Variants in RIMS1 observed in about 807,000 individuals in gnomAD.
RIMS1 encodes regulating synaptic membrane exocytosis 1, also known as regulating synaptic membrane exocytosis protein 1.
RIMS1 carries 83 observed loss-of-function variants against 214.1 expected under a neutral mutation model. The ratio of observed to expected loss-of-function variants is 0.39; its 90% CI spans 0.32 to 0.47. The LOEUF is 0.47. Among genes scored for constraint, RIMS1 ranks in the 20% least tolerant of loss-of-function variants. RIMS1 has a pLI of 0.99. For synonymous variants in RIMS1, 793 were observed against 786.8 expected, an observed-to-expected ratio of 1.01 and a Z score of -0.13; for missense variants, 2,050 against 2,161.8, an observed-to-expected ratio of 0.95 and a Z score of 1.03.
rs563993102 is a variant in RIMS1, at chr6:72,390,921, T to C, written c.4505+185T>C. 5 of 506,278 alleles carry C rather than the reference T, an allele frequency of 9.9e-6. No homozygotes were observed. The Middle Eastern group carries it at 2.1e-3, about 209-fold the overall frequency. 31.4% of individuals were successfully genotyped at this position (506,278 alleles called of 1,614,324 possible). A position where few individuals can be genotyped will look rare whatever the true frequency, so the allele number is the denominator to read the frequency against. On this transcript the variant is annotated intron_variant, in intron 30 of 33. Coordinates refer to ENST00000521978, the MANE Select transcript of RIMS1 (RefSeq NM_014989.7). ...ATGGACACACCTCTACACCTGGTCATTCATACCTTTCAAAGGGTGAAGAAA... is the reference window on the plus strand; with the variant it reads ...ATGGACACACCTCTACACCTGGTCACTCATACCTTTCAAAGGGTGAAGAAA...
intron 2 of RIMS1, among the ~76,000 whole-genome samples, chr6:72,083,506 C>T (rs1166200112): frequency 3.9e-5 from 6 of 152,022 alleles, no homozygotes; most frequent in Admixed American, 1.3e-4. Context: ...CTATTTGCCC[C>T]TCGCTAGTGG....
chr6:72,186,079 TG>T (rs1209568247), intron 6 of RIMS1, among the ~76,000 whole-genome samples: 1 of 152,282 alleles, frequency 6.6e-6, no homozygotes. Context: ...GTTAATTGAC[TG>T]TTTATGCTAT....
rs1639109211 is a variant in RIMS1, at chr6:72,388,127, C to A, written c.4367-2471C>A. Reference sequence around the variant, plus strand: ...AATTAAATTCTAATTGGAAAACAGACCACAAACAGATAAAGGTTTAATGGC... The same window carrying A: ...AATTAAATTCTAATTGGAAAACAGAACACAAACAGATAAAGGTTTAATGGC... On this transcript the variant is annotated intron_variant, in intron 29 of 33. Transcript: ENST00000521978. Among the ~76,000 whole-genome samples, 3 of 152,060 alleles carry A rather than the reference C, an allele frequency of 2.0e-5. No homozygotes were observed. In the South Asian group the frequency reaches 6.2e-4, roughly 31 times the overall value.
At chr6:71,953,844 G>T (rs1045981428) in intron 1 of RIMS1, among the ~76,000 whole-genome samples, 6 of 152,288 alleles carry the variant, frequency 3.9e-5, no homozygotes, top group African/African-American at 1.2e-4. Flanking sequence ...CTCTAATAAG[G>T]ATGCGAGAAT....
chr6:72,048,652 T>A (rs572650332), intron 2 of RIMS1, among the ~76,000 whole-genome samples: 1 of 152,328 alleles, frequency 6.6e-6, no homozygotes, highest in South Asian at 2.1e-4. Flanking sequence ...AAGAGCCTGC[T>A]AGGAAATAGG....
chr6:72,219,486 GTGAC>G (rs2057607823), intron 6 of RIMS1, among the ~76,000 whole-genome samples: 1 of 152,060 alleles, frequency 6.6e-6, no homozygotes, highest in Admixed American at 6.5e-5. Context: ...AAGGTTTTAC[GTGAC>G]TTCTATGAGT....
rs1467255682 is a variant in RIMS1 at position 72,096,961 on chromosome 6, A to G, written c.258A>G (p.Gln86=). 8 of 1,613,248 alleles carry G rather than the reference A, an allele frequency of 5.0e-6. No individual in the cohort carries two copies. In the African/African-American group the frequency reaches 6.7e-5, roughly 13 times the overall value. ...CTCTTTTGCCTAGGAGATTGCATCAACAGTTTGAAAGCTATAAGGAACAAG... is the reference window on the plus strand; with the variant it reads ...CTCTTTTGCCTAGGAGATTGCATCAGCAGTTTGAAAGCTATAAGGAACAAG... ...QPHQPSPRLH[Q]QFESYKEQVR... Residue 86 remains glutamine (Q), a synonymous_variant, in exon 3 of 34, where the codon CAA becomes CAG. Coordinates refer to ENST00000521978, the MANE Select transcript of RIMS1 (RefSeq NM_014989.7).
Position 72,389,601 on chromosome 6 carries a change from G to A in RIMS1, c.4367-997G>A, listed in dbSNP as rs2098669333. On this transcript the variant is annotated intron_variant, in intron 29 of 33. Transcript: ENST00000521978. ...GTTTTATGTGGATTGAAAAGTTAAT[G>A]TGTTTATATAGTAGTTATGTATGTA... Among the ~76,000 whole-genome samples, 3 of 152,070 alleles carry A rather than the reference G, an allele frequency of 2.0e-5. No individual in the cohort carries two copies. The South Asian group carries it at 6.2e-4, about 32-fold the overall frequency.
At chr6:72,311,186 C>T (rs1343456874) in intron 27 of RIMS1, among the ~76,000 whole-genome samples, 1 of 152,164 alleles carries the variant, frequency 6.6e-6, no homozygotes, top group East Asian at 1.9e-4. Context: ...CATATTCTGT[C>T]ATGGGCAAGG....
At chr6:72,030,594 C>T (rs979741666) in intron 2 of RIMS1, among the ~76,000 whole-genome samples, 2 of 151,978 alleles carry the variant, frequency 1.3e-5, no homozygotes, top group South Asian at 4.1e-4. Context: ...TTAAAAGATA[C>T]ACTACACAAT....
rs1369511169 is a variant in RIMS1 at position 72,216,913 on chromosome 6, A to G, written c.1679-16860A>G. 9 of 1,245,918 alleles carry G rather than the reference A, an allele frequency of 7.2e-6. No individual in the cohort carries two copies. The Admixed American group carries it at 2.9e-4, about 41-fold the overall frequency. The allele number at this position is 1,245,918 out of a possible 1,614,324, so 77.2% of individuals were successfully genotyped here. On this transcript the variant is annotated intron_variant, in intron 6 of 33. Transcript: ENST00000521978. Reference sequence around the variant, plus strand: ...ACTTTAGTACAGCACAGAGCACTATAGATTAATGCTGTAATCAATGAGAAT... The same window carrying G: ...ACTTTAGTACAGCACAGAGCACTATGGATTAATGCTGTAATCAATGAGAAT...
chr6:71,969,891 A>G (rs1221454555), intron 2 of RIMS1, among the ~76,000 whole-genome samples: 2 of 132,322 alleles, frequency 1.5e-5, no homozygotes, highest in South Asian at 4.9e-4. Context: ...GTAGATCCTA[A>G]TGATTAATTA....
intron 16 of RIMS1, among the ~76,000 whole-genome samples, chr6:72,256,642 TTAAG>T (rs1447380598): frequency 1.3e-5 from 2 of 151,804 alleles, no homozygotes; most frequent in Non-Finnish European, 2.9e-5. Context: ...TTAAAAATGT[TTAAG>T]TAATTCAGAC....
intron 6 of RIMS1, among the ~76,000 whole-genome samples, chr6:72,186,592 G>C (rs1233381377): frequency 6.6e-6 from 1 of 152,098 alleles, no homozygotes; most frequent in Non-Finnish European, 1.5e-5. Flanking sequence ...AATGGTGCTG[G>C]TCATCATCCT....
chr6:72,122,414 GC>G (rs1483311984), intron 4 of RIMS1, among the ~76,000 whole-genome samples: 1 of 151,480 alleles, frequency 6.6e-6, no homozygotes, highest in African/African-American at 2.4e-5. Context: ...CACCATGTTA[GC>G]CAGGATGGTC....
At chr6:72,392,571 TA>T (rs2098717668) in intron 30 of RIMS1, 126 bp from the exon 31 acceptor site, 7 of 749,412 alleles carry the variant, frequency 9.3e-6, no homozygotes, top group Non-Finnish European at 1.6e-5. Flanking sequence ...AAGAATCAAT[TA>T]AAAAAACAGA....
intron 1 of RIMS1, among the ~76,000 whole-genome samples, chr6:71,906,177 G>T (rs1253287209): frequency 6.6e-6 from 1 of 152,116 alleles, no homozygotes; most frequent in Non-Finnish European, 1.5e-5. Context: ...CTTAAACAAT[G>T]GCTTCTATCT....
chr6:72,179,313 G>A (rs559194060), intron 4 of RIMS1: 1 of 432,956 alleles, frequency 2.3e-6, no homozygotes, highest in East Asian at 4.6e-5. Context: ...ATGGTAAAAG[G>A]AAATTCAGAA....
At chr6:72,384,508 A>G (rs1250377356) in intron 29 of RIMS1, among the ~76,000 whole-genome samples, 1 of 152,132 alleles carries the variant, frequency 6.6e-6, no homozygotes, top group Admixed American at 6.6e-5. Context: ...AGTTCTTGAC[A>G]CACTTACTTC....
Sources: gnomAD v4.1 joint callset for allele counts (sites outside exome capture counted in the v4.1 genomes callset) on GRCh38, gnomAD v4.1.1 for gene constraint, MANE v1.5 for transcripts, NCBI Gene and HGNC (gene_info 2026-07-23, HGNC 2026-07-21) for gene names.